PALLD: variants seen among roughly 807,000 people sequenced by gnomAD.
PALLD encodes palladin.
PALLD carries 61 observed loss-of-function variants against 123.5 expected under a neutral mutation model. The ratio of observed to expected loss-of-function variants is 0.49; its 90% CI spans 0.40 to 0.61. The LOEUF (loss-of-function observed/expected upper bound fraction) is 0.61. PALLD is among the 20% of genes least tolerant of loss of function. PALLD has a pLI of 0.00. For synonymous variants in PALLD, 465 were observed against 496.4 expected, an observed-to-expected ratio of 0.94 and a Z score of 0.84; for missense variants, 1,273 against 1,377.0, an observed-to-expected ratio of 0.92 and a Z score of 1.20.
intron 10 of PALLD, among the ~76,000 whole-genome samples, chr4:168,846,932 G>A (rs764295998): frequency 1.2e-4 from 19 of 152,110 alleles, no homozygotes; most frequent in Non-Finnish European, 2.5e-4. Flanking sequence ...ACAATATTGA[G>A]ACCAAAGCAA....
intron 2 of PALLD, among the ~76,000 whole-genome samples, chr4:168,594,320 G>A (rs1224247916): frequency 1.3e-5 from 2 of 152,152 alleles, no homozygotes; most frequent in African/African-American, 2.4e-5. Flanking sequence ...CAAGGCATGT[G>A]AAAGCTTAGA....
At chr4:168,576,773 T>C (rs1438265353) in intron 2 of PALLD, among the ~76,000 whole-genome samples, 1 of 152,152 alleles carries the variant, frequency 6.6e-6, no homozygotes, top group Non-Finnish European at 1.5e-5. Flanking sequence ...CTGGGTCAAA[T>C]GGTATTTCTA....
chr4:168,713,942 GTTTTTTT>G (rs34942776), intron 10 of PALLD, among the ~76,000 whole-genome samples: 18 of 54,698 alleles, frequency 3.3e-4, no homozygotes, highest in East Asian at 1.3e-3. Flanking sequence ...TTTTCCCATT[GTTTTTTT>G]TTTTTTTTTT....
Position 168,589,094 on chromosome 4 carries a change from C to T in PALLD, c.908+76682C>T, listed in dbSNP as rs74404088. Among the ~76,000 whole-genome samples, 29 of 152,310 alleles carry T rather than the reference C, an allele frequency of 1.9e-4. No homozygotes were observed. The East Asian group carries it at 4.8e-3, about 25-fold the overall frequency. On this transcript the variant is annotated intron_variant, in intron 2 of 21. Transcript: ENST00000505667. ...ATTGTCAAGCACAACTGTACTGGTTCGTCAGAGCTGGCTCCCTTAGCAGGG... is the reference window on the plus strand; with the variant it reads ...ATTGTCAAGCACAACTGTACTGGTTTGTCAGAGCTGGCTCCCTTAGCAGGG...
At chr4:168,906,547 A>G (rs1273660137) in intron 15 of PALLD, among the ~76,000 whole-genome samples, 2 of 152,242 alleles carry the variant, frequency 1.3e-5, no homozygotes, top group African/African-American at 4.8e-5. Flanking sequence ...GGATCATTCC[A>G]TATTACATAC....
Position 168,694,236 on chromosome 4 carries a change from G to A in PALLD, c.1501+2944G>A, listed in dbSNP as rs184224312. On this transcript the variant is annotated intron_variant, in intron 8 of 21. Coordinates refer to ENST00000505667, the MANE Select transcript of PALLD (RefSeq NM_001166108.2). ...TTTCTTAGCCATTGTTAAGTGGAAG[G>A]AAGAAAAACAGACGTGACTACAATA... Among the ~76,000 whole-genome samples the A allele has an allele frequency of 5.9e-3, 900 of 152,288 alleles. 10 individuals carry two copies. Among genetic ancestry groups the A allele is most frequent in the African/African-American group, 0.02 (827 of 41,550 alleles).
At chr4:168,582,271 A>G (rs1259750839) in intron 2 of PALLD, among the ~76,000 whole-genome samples, 2 of 152,076 alleles carry the variant, frequency 1.3e-5, no homozygotes, top group Non-Finnish European at 2.9e-5. Context: ...TCTTTTTCAT[A>G]TAGTTCATTG....
intron 1 of PALLD, among the ~76,000 whole-genome samples, chr4:168,499,518 G>A (rs972965098): frequency 6.8e-5 from 10 of 146,058 alleles, no homozygotes; most frequent in African/African-American, 2.5e-4. Flanking sequence ...TCAATGGTTT[G>A]CATTACTTTT....
intron 2 of PALLD, among the ~76,000 whole-genome samples, chr4:168,518,148 T>G (rs1580088627): frequency 6.6e-6 from 1 of 152,264 alleles, no homozygotes; most frequent in East Asian, 1.9e-4. Flanking sequence ...ATCCCTCTTT[T>G]TCTCACACCC....
chr4:168,687,789 A>G lies in PALLD; in HGVS notation c.1335+2230A>G, dbSNP rs12642354. Among the ~76,000 whole-genome samples the G allele has an allele frequency of 2.0e-3, 309 of 152,296 alleles. 6 individuals are homozygous for G. The East Asian group carries it at 0.052, about 25-fold the overall frequency. ...ATTAGTGGTCTTTCCCCCTTCCCCAAAAGATAACCATGAAGCATTCTTTGT... is the reference window on the plus strand; with the variant it reads ...ATTAGTGGTCTTTCCCCCTTCCCCAGAAGATAACCATGAAGCATTCTTTGT... On this transcript the variant is annotated intron_variant, in intron 6 of 21. Coordinates refer to ENST00000505667, the MANE Select transcript of PALLD (RefSeq NM_001166108.2).
intron 10 of PALLD, chr4:168,877,721 A>C (rs1390080230): frequency 8.8e-7 from 1 of 1,140,276 alleles, no homozygotes; most frequent in Non-Finnish European, 1.1e-6. Flanking sequence ...TTTTCCCCCC[A>C]GGGACCCTCT....
At chr4:168,784,604 C>T (rs918892484) in intron 10 of PALLD, among the ~76,000 whole-genome samples, 10 of 152,092 alleles carry the variant, frequency 6.6e-5, no homozygotes, top group African/African-American at 2.4e-4. Context: ...ACAAGGGAAG[C>T]GGGCGGGAGA....
At chr4:168,834,553 G>T (rs555463570) in intron 10 of PALLD, among the ~76,000 whole-genome samples, 2 of 151,998 alleles carry the variant, frequency 1.3e-5, no homozygotes, top group African/African-American at 2.4e-5. Context: ...CCTGACCAAC[G>T]TGGTGAAACC....
chr4:168,701,842 A>C (rs1783703896), intron 8 of PALLD, among the ~76,000 whole-genome samples: 1 of 152,178 alleles, frequency 6.6e-6, no homozygotes, highest in African/African-American at 2.4e-5. Flanking sequence ...CCCAGGTGTT[A>C]CTGAAAGCTG....
chr4:168,542,371 A>T lies in PALLD; in HGVS notation c.908+29959A>T, dbSNP rs540777129. On this transcript the variant is annotated intron_variant, in intron 2 of 21. Coordinates refer to ENST00000505667, the MANE Select transcript of PALLD (RefSeq NM_001166108.2). ...TTCGAGGCTGCAGTGAGCTATGATC[A>T]TACCACTGCACTCTAGCCTGGGCAA... 8.5e-5 allele frequency among the ~76,000 whole-genome samples: 13 copies of T among 152,064 alleles called. No homozygotes were observed. The East Asian group carries it at 2.3e-3, about 27-fold the overall frequency.
chr4:168,731,175 G>A (rs1581184556), intron 10 of PALLD, among the ~76,000 whole-genome samples: 1 of 152,148 alleles, frequency 6.6e-6, no homozygotes, highest in African/African-American at 2.4e-5. Context: ...ATAAGTCAGT[G>A]ACAACTCATC....
rs528162468 is a variant in PALLD at position 168,877,824 on chromosome 4, C to T, written c.1965-13098C>T. ...GCCCCGCGCAGCGCGCCGCCCTCGCCCCCCTTCCCGCCGCCGCCCGCCTTC... is the reference window on the plus strand; with the variant it reads ...GCCCCGCGCAGCGCGCCGCCCTCGCTCCCCTTCCCGCCGCCGCCCGCCTTC... On this transcript the variant is annotated intron_variant, in intron 10 of 21. Coordinates refer to ENST00000505667, the MANE Select transcript of PALLD (RefSeq NM_001166108.2). 132 of 1,300,710 alleles carry T rather than the reference C, an allele frequency of 1.0e-4. No individual in the cohort carries two copies. In the African/African-American group the frequency reaches 1.6e-3, roughly 16 times the overall value. 80.6% of individuals were successfully genotyped at this position (1,300,710 alleles called of 1,614,324 possible). A position where few individuals can be genotyped will look rare whatever the true frequency, so the allele number is the denominator to read the frequency against.
At chr4:168,575,988 A>G (rs1165514954) in intron 2 of PALLD, among the ~76,000 whole-genome samples, 7 of 152,150 alleles carry the variant, frequency 4.6e-5, no homozygotes, top group Admixed American at 4.6e-4. Flanking sequence ...TTTCTATTAC[A>G]GGTAATCCAT....
chr4:168,552,718 C>T (rs1022843695), intron 2 of PALLD, among the ~76,000 whole-genome samples: 2 of 152,062 alleles, frequency 1.3e-5, no homozygotes, highest in African/African-American at 4.8e-5. Context: ...CTCTGTCGGC[C>T]AGGCTGGAGT....
Sources: gnomAD v4.1 joint callset for allele counts (sites outside exome capture counted in the v4.1 genomes callset) on GRCh38, gnomAD v4.1.1 for gene constraint, MANE v1.5 for transcripts, NCBI Gene and HGNC (gene_info 2026-07-23, HGNC 2026-07-21) for gene names.